The following TIAM2 variants were observed in gnomAD, a reference collection of about 807,000 sequenced individuals.
TIAM2 encodes the protein TIAM Rac1 associated GEF 2, also known as rho guanine nucleotide exchange factor TIAM2.
A neutral mutation model predicts 152.9 loss-of-function variants in TIAM2; 80 were observed. That is an observed-to-expected ratio of 0.52 (90% CI 0.44 to 0.63). The LOEUF is 0.63. Among genes scored for constraint, TIAM2 ranks in the 30% least tolerant of loss-of-function variants. TIAM2 has a pLI of 0.00. For missense variants in TIAM2, 1,965 were observed against 2,120.1 expected (o/e 0.93, Z 1.44); for synonymous variants, 804 against 838.0 (o/e 0.96, Z 0.70).
At chr6:155,056,345 T>TA (rs1777452411) in intron 1 of TIAM2, among the ~76,000 whole-genome samples, 1 of 152,076 alleles carries the variant, frequency 6.6e-6, no homozygotes, top group South Asian at 2.1e-4. Flanking sequence ...CTAATTTTTG[T>TA]ATTTTTCATA....
At chr6:155,002,170 C>A (rs2498492) in intron 1 of TIAM2, among the ~76,000 whole-genome samples, 33,736 of 151,968 alleles carry the variant, frequency 0.22, 4,133 homozygotes, top group East Asian at 0.38. Context: ...GCACTTTGGT[C>A]GGCTGAGGCG....
rs141628735 is a variant in TIAM2 at position 155,093,674 on chromosome 6, G to T, written c.-118+3295G>T. Among the ~76,000 whole-genome samples the T allele has an allele frequency of 2.4e-3, 365 of 152,332 alleles. 4 individuals carry two copies. The highest frequency in any genetic ancestry group is 5.1e-3 in the Admixed American group (78 of 15,302). On this transcript the variant is annotated intron_variant, in intron 2 of 26. Coordinates refer to ENST00000682666, the MANE Select transcript of TIAM2 (RefSeq NM_012454.4). ...TGCAATAGTGAGCGTCTCAGGGCCG[G>T]ATGTGGTGTCTGACGACTGGTTGGC...
intron 1 of TIAM2, among the ~76,000 whole-genome samples, chr6:155,042,664 T>C (rs1777075289): frequency 6.6e-6 from 1 of 152,138 alleles, no homozygotes; most frequent in Non-Finnish European, 1.5e-5. Context: ...GAGATGAAAA[T>C]TGTATATATT....
chr6:155,179,151 T>G lies in TIAM2; in HGVS notation c.2628+8T>G. 2 of 1,604,784 alleles carry G rather than the reference T, an allele frequency of 1.2e-6. No individual in the cohort carries two copies. The highest frequency in any genetic ancestry group is 8.5e-7 in the Non-Finnish European group (1 of 1,173,356). The stretch of plus-strand genomic sequence containing the variant: ...GAATATATGCAACAACAGGTAAGTG[T>G]GCACTAGCTTTAGGAAGGGAAACTG... On this transcript the variant is annotated splice_region_variant and intron_variant, in intron 11 of 26. Coordinates refer to ENST00000682666, the MANE Select transcript of TIAM2 (RefSeq NM_012454.4).
intron 1 of TIAM2, among the ~76,000 whole-genome samples, chr6:155,005,728 T>G (rs527955993): frequency 6.6e-6 from 1 of 151,554 alleles, no homozygotes; most frequent in African/African-American, 2.4e-5. Context: ...TAATCTCGGC[T>G]CACTGCAACC....
Position 155,098,492 on chromosome 6 carries a change from A to T in TIAM2, c.-118+8113A>T, listed in dbSNP as rs559412741. 2.9e-3 allele frequency among the ~76,000 whole-genome samples: 438 copies of T among 152,296 alleles called. 2 individuals carry two copies. The highest frequency in any genetic ancestry group is 0.01 in the African/African-American group (418 of 41,558). ...CATTTTCATATTGTTCGCTGTTGGC[A>T]TATATAGATGCTACTGATTTTGTAT... On this transcript the variant is annotated intron_variant, in intron 2 of 26. Coordinates refer to ENST00000682666, the MANE Select transcript of TIAM2 (RefSeq NM_012454.4).
At chr6:155,245,466 G>C (rs1783262646) in intron 18 of TIAM2, among the ~76,000 whole-genome samples, 157 bp from the exon 19 acceptor site, 1 of 152,210 alleles carries the variant, frequency 6.6e-6, no homozygotes, top group Non-Finnish European at 1.5e-5. Context: ...GAGCGCCTGG[G>C]CTGTTCCCCA....
At chr6:155,169,493 C>G (rs1780525879) in intron 9 of TIAM2, among the ~76,000 whole-genome samples, 1 of 152,116 alleles carries the variant, frequency 6.6e-6, no homozygotes, top group African/African-American at 2.4e-5. Context: ...ATAATAATAT[C>G]TTTGATTTAT....
At position 154,995,706 on chromosome 6, in the gene TIAM2, G is replaced by A. The variant is rs991072968; in HGVS notation, c.-209+214G>A. On this transcript the variant is annotated intron_variant, in intron 1 of 26. Transcript: ENST00000682666. This position sits in a 1 kb window ranked among gnomAD's most constrained non-coding sequence, Gnocchi z 5.2. Reference sequence around the variant, plus strand: ...CACCCTCTCCCCGGAGGGCGGCAGCGTCCGGGCACAGCCTGGCACGGGGGA... The same window carrying A: ...CACCCTCTCCCCGGAGGGCGGCAGCATCCGGGCACAGCCTGGCACGGGGGA... Among the ~76,000 whole-genome samples, 4 of 152,148 alleles carry A rather than the reference G, an allele frequency of 2.6e-5. No homozygotes were observed. The highest frequency in any genetic ancestry group is 7.2e-5 in the African/African-American group (3 of 41,446).
At chr6:155,122,477 A>G (rs12199204) in intron 2 of TIAM2, among the ~76,000 whole-genome samples, 202 of 97,812 alleles carry the variant, frequency 2.1e-3, no homozygotes, top group East Asian at 6.1e-3. Context: ...TGGAGAATGG[A>G]AGGTAGGATT....
rs1562294794 is a variant in TIAM2 at position 155,029,078 on chromosome 6, CTGT to C, written c.-209+33588_-209+33590del. ...ATATACACTGTATATACTATATATA[CTGT>C]TATATATACACTGTATATACTATGT... On this transcript the variant is annotated intron_variant, in intron 1 of 26. Transcript: ENST00000682666. 4.8e-3 allele frequency among the ~76,000 whole-genome samples: 220 copies of C among 45,614 alleles called. 88 individuals carry two copies. The highest frequency in any genetic ancestry group is 0.062 in the Middle Eastern group (2 of 32). The allele number at this position is 45,614 out of a possible 152,430, so 29.9% of individuals were successfully genotyped here. A position where few individuals can be genotyped will look rare whatever the true frequency, so the allele number is the denominator to read the frequency against.
chr6:155,017,904 C>T (rs1200083131), intron 1 of TIAM2, among the ~76,000 whole-genome samples: 1 of 152,132 alleles, frequency 6.6e-6, no homozygotes, highest in Non-Finnish European at 1.5e-5. Context: ...GCCACCGGCC[C>T]CATGGGGCTG....
chr6:155,096,512 C>T (rs750275967), intron 2 of TIAM2, among the ~76,000 whole-genome samples: 17 of 152,006 alleles, frequency 1.1e-4, no homozygotes, highest in Non-Finnish European at 1.8e-4. Context: ...CCTTCCTACC[C>T]TTCCCAGCCT....
In TIAM2 at chr6:155,164,590, T is replaced by C; in HGVS notation, c.2204T>C (p.Phe735Ser). The change falls in exon 8 of 27, where the codon TTC becomes TCC. Residue 735 changes from phenylalanine to serine, a missense_variant. By Grantham distance (155) the Phe-to-Ser change is radical. Around this residue, in one of 3 missense-constraint regions of TIAM2, gnomAD observed 1,025 missense variants for 1,119.4 expected, o/e 0.92. Coordinates refer to ENST00000682666, the MANE Select transcript of TIAM2 (RefSeq NM_012454.4). ...CTGGGCATCTTGTCTGTTTCCTCTTTCCATGCTCTGGTAAGTTCCTGAGGA... is the reference window on the plus strand; with the variant it reads ...CTGGGCATCTTGTCTGTTTCCTCTTCCCATGCTCTGGTAAGTTCCTGAGGA... ...GRLGILSVSS[F>S]HALVCSRDDS... is the part of the protein sequence containing the mutation. 6.2e-7 allele frequency: 1 copy of C among 1,611,934 alleles called. No homozygotes were observed. Among genetic ancestry groups the C allele is most frequent in the East Asian group, 2.2e-5 (1 of 44,786 alleles).
intron 1 of TIAM2, among the ~76,000 whole-genome samples, chr6:155,078,317 A>G (rs1777998064): frequency 6.6e-6 from 1 of 152,122 alleles, no homozygotes; most frequent in Non-Finnish European, 1.5e-5. Context: ...AAGTGCTGGG[A>G]TTACAGGTGT....
intron 9 of TIAM2, among the ~76,000 whole-genome samples, chr6:155,171,128 G>C (rs1780577161): frequency 6.6e-6 from 1 of 152,170 alleles, no homozygotes; most frequent in South Asian, 2.1e-4. Context: ...ACACAGAAAG[G>C]CTGTTGTGAG....
Position 155,243,867 on chromosome 6 carries a change from A to G in TIAM2, c.3349-144A>G, listed in dbSNP as rs987803469. ...GTCTCAAAAAAAAAAAAAAAAAAAA[A>G]AAAAAAAAAAGAATTTCAACAAGGC... On this transcript the variant is annotated intron_variant, in intron 16 of 26. Coordinates refer to ENST00000682666, the MANE Select transcript of TIAM2 (RefSeq NM_012454.4). 4 of 579,790 alleles carry G rather than the reference A, an allele frequency of 6.9e-6. 1 individual carries two copies. The highest frequency in any genetic ancestry group is 1.9e-5 in the African/African-American group (1 of 51,898). 35.9% of individuals were successfully genotyped at this position (579,790 alleles called of 1,614,324 possible).
intron 1 of TIAM2, chr6:155,016,269 C>T (rs1778578311): frequency 1.3e-5 from 2 of 152,298 alleles, no homozygotes; most frequent in South Asian, 4.1e-4. Flanking sequence ...TAAGTGGATG[C>T]TTTCGACAGA....
At chr6:155,095,664 G>T (rs1212356875) in intron 2 of TIAM2, among the ~76,000 whole-genome samples, 3 of 152,152 alleles carry the variant, frequency 2.0e-5, no homozygotes, top group African/African-American at 7.2e-5. Context: ...TAGAGGGAAG[G>T]TTGGGCTAGA....
Sources: gnomAD v4.1 joint callset for allele counts (sites outside exome capture counted in the v4.1 genomes callset) on GRCh38, gnomAD v4.1.1 for gene constraint, gnomAD v4.1.1 regional missense constraint, Gnocchi (gnomAD v3.1) non-coding constraint, MANE v1.5 for transcripts, NCBI Gene and HGNC (gene_info 2026-07-23, HGNC 2026-07-21) for gene names.